GALNT17: variants seen among roughly 807,000 people sequenced by gnomAD.
The protein encoded by GALNT17 is polypeptide N-acetylgalactosaminyltransferase 17.
Under a neutral mutation model 63.7 loss-of-function variants are expected in GALNT17, and 29 were observed. The ratio of observed to expected loss-of-function variants is 0.46; its 90% CI spans 0.34 to 0.62. The LOEUF (loss-of-function observed/expected upper bound fraction) is 0.62, where lower values mean the gene tolerates loss of function less well. Among genes scored for constraint, GALNT17 ranks in the 20% least tolerant of loss-of-function variants. The probability of loss-of-function intolerance (pLI) is 0.01; values close to 1 mark genes in which losing one functional copy is unlikely to be tolerated. For missense variants in GALNT17, 603 were observed against 799.6 expected (o/e 0.75, Z 2.97); for synonymous variants, 305 against 318.3 (o/e 0.96, Z 0.45).
intron 5 of GALNT17, among the ~76,000 whole-genome samples, chr7:71,428,475 T>G (rs552841931): frequency 1.3e-4 from 20 of 152,252 alleles, no homozygotes; most frequent in Admixed American, 5.2e-4. Context: ...AATCTCTCCC[T>G]GTCACCCAAG....
At chr7:71,466,018 T>C (rs1329995677) in intron 5 of GALNT17, among the ~76,000 whole-genome samples, 1 of 152,134 alleles carries the variant, frequency 6.6e-6, no homozygotes, top group Non-Finnish European at 1.5e-5. Context: ...AGGAAAGGTC[T>C]AGAAAGGGAA....
intron 1 of GALNT17, among the ~76,000 whole-genome samples, chr7:71,278,464 T>C (rs1790720577): frequency 6.6e-6 from 1 of 152,242 alleles, no homozygotes; most frequent in South Asian, 2.1e-4. Context: ...GGCAGGTACA[T>C]TTGGCTTGTA....
chr7:71,228,000 G>A (rs1010381524), intron 1 of GALNT17, among the ~76,000 whole-genome samples: 3 of 152,156 alleles, frequency 2.0e-5, no homozygotes, highest in African/African-American at 4.8e-5. Flanking sequence ...GAGTAATTCA[G>A]CCCGATAGAG....
intron 1 of GALNT17, among the ~76,000 whole-genome samples, chr7:71,189,262 T>C (rs753576733): frequency 6.6e-6 from 1 of 152,204 alleles, no homozygotes; most frequent in African/African-American, 2.4e-5. Flanking sequence ...GATGTGCCTT[T>C]CACCTTCTGC....
Position 71,396,801 on chromosome 7 carries a change from AT to A in GALNT17, c.589+8401del, listed in dbSNP as rs565513003. Reference sequence around the variant, plus strand: ...CTCTAATCTCTTTCAACAATGTTTTATAGTTTTCAGTATACACATTTTACAC... The same window carrying A: ...CTCTAATCTCTTTCAACAATGTTTTAAGTTTTCAGTATACACATTTTACAC... On this transcript the variant is annotated intron_variant, in intron 3 of 10. Coordinates refer to ENST00000333538, the MANE Select transcript of GALNT17 (RefSeq NM_022479.3). Among the ~76,000 whole-genome samples the A allele has an allele frequency of 3.0e-4, 46 of 152,264 alleles. 4 individuals carry two copies. Among genetic ancestry groups the A allele is most frequent in the East Asian group, 2.9e-3 (15 of 5,192 alleles).
chr7:71,670,002 G>C lies in GALNT17; in HGVS notation c.1297G>C (p.Glu433Gln). ...NPGIDIGDVS[E>Q]RRALRKSLKC... Reference sequence around the variant, plus strand: ...GGGAATTGACATCGGTGATGTCTCCGAAAGAAGAGCATTAAGGAAAAGTTT... The same window carrying C: ...GGGAATTGACATCGGTGATGTCTCCCAAAGAAGAGCATTAAGGAAAAGTTT... Residue 433 changes from glutamate (E) to glutamine (Q), a missense_variant, in exon 8 of 11, where the codon GAA (glutamate) becomes CAA (glutamine). Around this residue, in one of 3 missense-constraint regions of GALNT17, gnomAD observed 336 missense variants for 507.8 expected, o/e 0.66. Coordinates refer to ENST00000333538, the MANE Select transcript of GALNT17 (RefSeq NM_022479.3). 1 of 1,614,110 alleles carries C rather than the reference G, an allele frequency of 6.2e-7. No individual in the cohort carries two copies. The highest frequency in any genetic ancestry group is 8.5e-7 in the Non-Finnish European group (1 of 1,180,012).
At chr7:71,588,977 C>T (rs757507267) in intron 6 of GALNT17, among the ~76,000 whole-genome samples, 6 of 152,088 alleles carry the variant, frequency 3.9e-5, no homozygotes, top group Non-Finnish European at 8.8e-5. Context: ...ACATAGCCCA[C>T]ATAAGGGTCA....
At chr7:71,547,480 T>C (rs1299101738) in intron 5 of GALNT17, among the ~76,000 whole-genome samples, 3 of 152,002 alleles carry the variant, frequency 2.0e-5, no homozygotes, top group South Asian at 4.1e-4. Context: ...GAAATAGGGT[T>C]TCACCATGTT....
In GALNT17 at chr7:71,335,598, A is replaced by G; in HGVS notation, c.287A>G (p.Lys96Arg). ...GLIEGYGGRG[K>R]GGLPATLSPA... ...ATTGAAGGTTATGGTGGGCGGGGTA[A>G]AGGGGGCCTTCCGGCTACTCTTTCC... Residue 96 changes from lysine (K) to arginine (R), a missense_variant, in exon 2 of 11, where the codon AAA becomes AGA. Lys to Arg is a conservative substitution (Grantham distance 26). Transcript: ENST00000333538. 3.7e-6 allele frequency: 6 copies of G among 1,612,648 alleles called. No individual in the cohort carries two copies. Among genetic ancestry groups the G allele is most frequent in the Non-Finnish European group, 5.1e-6 (6 of 1,179,302 alleles).
At chr7:71,368,539 C>G (rs371216301) in intron 2 of GALNT17, among the ~76,000 whole-genome samples, 1 of 152,240 alleles carries the variant, frequency 6.6e-6, no homozygotes, top group East Asian at 1.9e-4. Flanking sequence ...CCCCGTTGAT[C>G]TCCTTGAAGG....
At chr7:71,336,417 G>A (rs1356076094) in intron 2 of GALNT17, among the ~76,000 whole-genome samples, 6 of 152,100 alleles carry the variant, frequency 3.9e-5, no homozygotes, top group Non-Finnish European at 8.8e-5. Flanking sequence ...TTAATTGCAT[G>A]TCACAGGGGT....
chr7:71,538,761 C>G (rs10268095), intron 5 of GALNT17, among the ~76,000 whole-genome samples: 49,628 of 151,576 alleles, frequency 0.33, 9,093 homozygotes, highest in Middle Eastern at 0.41. Context: ...CTCTTATGTC[C>G]TCTGTTGCTG....
intron 7 of GALNT17, among the ~76,000 whole-genome samples, chr7:71,666,543 T>C (rs2117048596): frequency 6.6e-6 from 1 of 152,000 alleles, no homozygotes; most frequent in Admixed American, 6.6e-5. Context: ...TTGTCTGTTA[T>C]CCCTCGCCCC....
chr7:71,563,765 A>C (rs934506645), intron 5 of GALNT17, among the ~76,000 whole-genome samples: 7 of 151,912 alleles, frequency 4.6e-5, no homozygotes, highest in South Asian at 2.1e-4. Context: ...TTTCATAGAG[A>C]CAGGGTCTCG....
At chr7:71,492,189 G>C (rs1352899219) in intron 5 of GALNT17, among the ~76,000 whole-genome samples, 1 of 152,176 alleles carries the variant, frequency 6.6e-6, no homozygotes, top group African/African-American at 2.4e-5. Flanking sequence ...TGAGATAGGA[G>C]AATCACTTGA....
At position 71,548,654 on chromosome 7, in the gene GALNT17, C is replaced by T. The variant is rs533478746; in HGVS notation, c.963-22631C>T. 8.4e-4 allele frequency among the ~76,000 whole-genome samples: 128 copies of T among 152,330 alleles called. 1 individual carries two copies. In the South Asian group the frequency reaches 0.025, roughly 30 times the overall value. On this transcript the variant is annotated intron_variant, in intron 5 of 10. Transcript: ENST00000333538. ...CTCCTCCTTCACCTTCTGCCACGAT[C>T]GTGAGGCCTCCCCAGCCATGTGGAA... is the stretch of plus-strand genomic sequence containing the variant.
chr7:71,287,789 C>G (rs1022047133), intron 1 of GALNT17, among the ~76,000 whole-genome samples: 2 of 152,274 alleles, frequency 1.3e-5, no homozygotes, highest in South Asian at 4.1e-4. Flanking sequence ...TGGTGGCTAA[C>G]GCCTGTAATC....
intron 6 of GALNT17, among the ~76,000 whole-genome samples, chr7:71,636,889 G>C (rs1790535048): frequency 6.6e-6 from 1 of 152,304 alleles, no homozygotes; most frequent in African/African-American, 2.4e-5. Context: ...ATGGAGAACA[G>C]ACTGTAAGCT....
At chr7:71,360,262 A>T (rs1388026806) in intron 2 of GALNT17, among the ~76,000 whole-genome samples, 1 of 152,216 alleles carries the variant, frequency 6.6e-6, no homozygotes, top group Admixed American at 6.5e-5. Context: ...ATTTGTTCAA[A>T]AATTCATTCA....
Sources: allele counts gnomAD v4.1 joint callset (sites outside exome capture counted in the v4.1 genomes callset), GRCh38; gene constraint gnomAD v4.1.1; regional missense constraint gnomAD v4.1.1; transcripts MANE v1.5; gene names NCBI Gene and HGNC (gene_info 2026-07-23, HGNC 2026-07-21).